Variants in AREL1 observed in about 807,000 individuals in gnomAD.
AREL1 encodes apoptosis-resistant E3 ubiquitin protein ligase 1.
In AREL1, 62 loss-of-function variants were observed where a neutral mutation model predicts 99.0. That is an observed-to-expected ratio of 0.63 (90% CI 0.51 to 0.77). The LOEUF (loss-of-function observed/expected upper bound fraction) is 0.77, where lower values mean the gene tolerates loss of function less well. Among genes scored for constraint, AREL1 ranks in the 30% least tolerant of loss-of-function variants. AREL1 has a pLI of 0.00. For missense variants in AREL1, 879 were observed against 1,027.6 expected (o/e 0.86, Z 1.98); for synonymous variants, 380 against 376.5 (o/e 1.01, Z -0.11).
chr14:74,692,000 A>G (rs1029068553), intron 2 of AREL1, 41 bp downstream of exon 2: 9 of 329,768 alleles, frequency 2.7e-5, no homozygotes, highest in Non-Finnish European at 4.0e-5. Context: ...TCCATGTTGT[A>G]CATCCCAATA....
intron 1 of AREL1, among the ~76,000 whole-genome samples, chr14:74,696,415 C>A (rs1200844796): frequency 6.6e-6 from 1 of 152,140 alleles, no homozygotes; most frequent in Admixed American, 6.5e-5. Flanking sequence ...GTATTTCATA[C>A]AATCATGCTT....
At chr14:74,691,400 G>T (rs993908902) in intron 2 of AREL1, among the ~76,000 whole-genome samples, 1 of 146,984 alleles carries the variant, frequency 6.8e-6, no homozygotes, top group Admixed American at 6.8e-5. Context: ...AGTGAATCAT[G>T]AAAAAGAATA....
rs11407786 is a variant in AREL1, at chr14:74,691,324, TAAAAAAAAA to T, written c.-46+708_-46+716del. ...GACAGAGAAAGACCCTGTCTCCATT[TAAAAAAAAA>T]AAAAAAAAAAAAAAAGCCTACGTCT... On this transcript the variant is annotated intron_variant, in intron 2 of 19. Transcript: ENST00000356357. Among the ~76,000 whole-genome samples the T allele has an allele frequency of 8.2e-5, 6 of 72,800 alleles. No homozygotes were observed. The East Asian group carries it at 2.3e-3, about 28-fold the overall frequency. 47.8% of individuals were successfully genotyped at this position (72,800 alleles called of 152,430 possible).
At chr14:74,688,218 G>C (rs968066984) in intron 2 of AREL1, among the ~76,000 whole-genome samples, 6 of 151,710 alleles carry the variant, frequency 4.0e-5, no homozygotes, top group African/African-American at 1.5e-4. Flanking sequence ...GTAGAGACGA[G>C]GTTTCACTGT....
In AREL1 at chr14:74,683,356, T is replaced by C. The variant is rs947296959; in HGVS notation, c.421A>G (p.Thr141Ala). 3 of 1,614,032 alleles carry C rather than the reference T, an allele frequency of 1.9e-6. No homozygotes were observed. The African/African-American group carries it at 4.0e-5, about 22-fold the overall frequency. Residue 141 changes from threonine (T) to alanine (A), a missense_variant, in exon 5 of 20, where the codon ACA becomes GCA. By Grantham distance (58) the Thr-to-Ala change is moderately conservative (BLOSUM62 0). Coordinates refer to ENST00000356357, the MANE Select transcript of AREL1 (RefSeq NM_001039479.2). The stretch of plus-strand genomic sequence containing the variant: ...ACATTTAATCCACCAAGCTTCACTG[T>C]GATTTCATAACGCCCAGCCTTGCGC... Reference protein sequence around the residue: ...TVRKAGRYEITVKLGGLNVAY... With the variant: ...TVRKAGRYEIAVKLGGLNVAY...
Position 74,664,935 on chromosome 14 carries a change from G to A in AREL1, c.2104-10C>T. On this transcript the variant is annotated splice_polypyrimidine_tract_variant and intron_variant, in intron 17 of 19. Transcript: ENST00000356357. Reference sequence around the variant, plus strand: ...TCCCACACATCAGCAGCTGGAAAAAGATGGTAAGGTGTTACTATGACAGTC... The same window carrying A: ...TCCCACACATCAGCAGCTGGAAAAAAATGGTAAGGTGTTACTATGACAGTC... 6.2e-7 allele frequency: 1 copy of A among 1,611,998 alleles called. No individual in the cohort carries two copies. Among genetic ancestry groups the A allele is most frequent in the Non-Finnish European group, 8.5e-7 (1 of 1,178,420 alleles).
chr14:74,667,242 G>A (rs190890840), intron 17 of AREL1, 77 bp downstream of exon 17: 101 of 1,557,272 alleles, frequency 6.5e-5, no homozygotes, highest in Non-Finnish European at 8.7e-5. Context: ...TCTCATAAGA[G>A]AAGGTACACC....
chr14:74,699,098 G>A (rs558440523), intron 1 of AREL1, among the ~76,000 whole-genome samples: 60 of 152,260 alleles, frequency 3.9e-4, no homozygotes, highest in African/African-American at 1.4e-3. Context: ...TTAAGAGCAT[G>A]AATCTTACTA....
chr14:74,673,946 TA>T, intron 9 of AREL1, 87 bp downstream of exon 9: 1 of 1,188,644 alleles, frequency 8.4e-7, no homozygotes, highest in Non-Finnish European at 1.2e-6. Context: ...GCAGAAACAC[TA>T]AAAGTGCTTC....
chr14:74,707,498 T>C (rs966741320), intron 1 of AREL1, among the ~76,000 whole-genome samples: 1 of 147,636 alleles, frequency 6.8e-6, no homozygotes, highest in Admixed American at 6.7e-5. Flanking sequence ...CCATCTCTAC[T>C]AAAAATACAA....
In AREL1 at chr14:74,685,666, A is replaced by G. The variant is rs1377072872; in HGVS notation, c.-45-6T>C. The G allele has an allele frequency of 3.1e-6, 5 of 1,612,694 alleles. No homozygotes were observed. The highest frequency in any genetic ancestry group is 1.3e-5 in the African/African-American group (1 of 74,818). The stretch of plus-strand genomic sequence containing the variant: ...GCCGAGGATCACAGCTGCAGCTGTT[A>G]AAAGAAAACTTGTTTAGTTTTTGTC... On this transcript the variant is annotated splice_polypyrimidine_tract_variant and splice_region_variant and intron_variant, in intron 2 of 19. Coordinates refer to ENST00000356357, the MANE Select transcript of AREL1 (RefSeq NM_001039479.2).
chr14:74,688,846 A>AT (rs1243733605), intron 2 of AREL1, among the ~76,000 whole-genome samples: 2 of 146,990 alleles, frequency 1.4e-5, no homozygotes, highest in Non-Finnish European at 3.0e-5. Flanking sequence ...TTTTATTTTT[A>AT]TTTTTTTTGA....
intron 1 of AREL1, among the ~76,000 whole-genome samples, chr14:74,697,446 T>G (rs1425454520): frequency 6.6e-6 from 1 of 152,174 alleles, no homozygotes; most frequent in Non-Finnish European, 1.5e-5. Context: ...TCCAAGAATA[T>G]ATCAGACACT....
intron 3 of AREL1, 134 bp downstream of exon 3, chr14:74,685,466 G>A (rs964300372): frequency 3.0e-5 from 30 of 1,016,482 alleles, no homozygotes; most frequent in Admixed American, 1.2e-4. Context: ...TGCCAACTCT[G>A]TGAAGGTACA....
chr14:74,705,501 AAAC>A lies in AREL1; in HGVS notation c.-334+7429_-334+7431del, dbSNP rs371380466. The stretch of plus-strand genomic sequence containing the variant: ...TCTGCACCCCTGATACTGGTTCTTA[AAAC>A]AACAACTAAATTCCACAACCCAGAA... On this transcript the variant is annotated intron_variant, in intron 1 of 19. Transcript: ENST00000356357. Among the ~76,000 whole-genome samples, 1,080 of 152,272 alleles carry A rather than the reference AAAC, an allele frequency of 7.1e-3. 7 individuals carry two copies. The highest frequency in any genetic ancestry group is 0.023 in the African/African-American group (944 of 41,544).
intron 1 of AREL1, among the ~76,000 whole-genome samples, chr14:74,703,238 T>C (rs1359141147): frequency 2.0e-5 from 3 of 152,210 alleles, no homozygotes; most frequent in South Asian, 2.1e-4. Flanking sequence ...CTCACAACCA[T>C]GTCAGAAGGC....
intron 18 of AREL1, 148 bp downstream of exon 18, chr14:74,664,688 T>C (rs887091007): frequency 4.5e-4 from 222 of 497,538 alleles, no homozygotes; most frequent in Non-Finnish European, 6.6e-4. Flanking sequence ...TCAAAACTCC[T>C]GACTTTGTGA....
chr14:74,686,497 T>C (rs569704025), intron 2 of AREL1, among the ~76,000 whole-genome samples: 2 of 152,364 alleles, frequency 1.3e-5, no homozygotes, highest in African/African-American at 4.8e-5. Context: ...ACAGGCTGTA[T>C]ATGCTATTTT....
At position 74,674,058 on chromosome 14, in the gene AREL1, G is replaced by C; in HGVS notation, c.1134C>G (p.Thr378=). Residue 378 remains threonine, a synonymous_variant, in exon 9 of 20, where the codon ACC becomes ACG. Coordinates refer to ENST00000356357, the MANE Select transcript of AREL1 (RefSeq NM_001039479.2). ...CTTTTGTTCCTGGACACACTCGGAA[G>C]GTGTAAAGGCGCCAGGGGATGATCT... ...YLKIIPWRLY[T]FRVCPGTKFS... is the part of the protein sequence containing the mutation. The C allele has an allele frequency of 6.2e-7, 1 of 1,613,692 alleles. No homozygotes were observed. Among genetic ancestry groups the C allele is most frequent in the Non-Finnish European group, 8.5e-7 (1 of 1,179,656 alleles).
Sources: gnomAD v4.1 joint callset for allele counts (sites outside exome capture counted in the v4.1 genomes callset) on GRCh38, gnomAD v4.1.1 for gene constraint, MANE v1.5 for transcripts, NCBI Gene and HGNC (gene_info 2026-07-23, HGNC 2026-07-21) for gene names.